The following TRIM66 variants were observed in gnomAD, a reference collection of about 807,000 sequenced individuals.
The protein encoded by TRIM66 is tripartite motif-containing protein 66.
TRIM66 carries 99 observed loss-of-function variants against 148.2 expected under a neutral mutation model. That is an observed-to-expected ratio of 0.67 (90% CI 0.57 to 0.79). The LOEUF (loss-of-function observed/expected upper bound fraction) is 0.79. Ranked by LOEUF, TRIM66 falls within the 30% of genes least tolerant of loss-of-function variation. TRIM66 has a pLI of 0.00. For missense variants in TRIM66, 1,666 were observed against 1,697.9 expected (o/e 0.98, Z 0.33); for synonymous variants, 616 against 635.9 (o/e 0.97, Z 0.47).
chr11:8,676,081 GCA>G (rs2039165159), intron 3 of TRIM66, among the ~76,000 whole-genome samples: 1 of 152,146 alleles, frequency 6.6e-6, no homozygotes, highest in Admixed American at 6.5e-5. Flanking sequence ...AATAGCACAA[GCA>G]CAGTTTCTCA....
chr11:8,683,093 TCCAGAAGTTAGGTCTTTGAC>T, upstream of TRIM66: 1 of 1,215,536 alleles, frequency 8.2e-7, no homozygotes, highest in Non-Finnish European at 1.2e-6. Flanking sequence ...TCCCAAACGC[TCCAGAAGTTAGGTCTTTGAC>T]CCACAGGCTT....
At chr11:8,672,722 G>A (rs987550615) in intron 4 of TRIM66, among the ~76,000 whole-genome samples, 1 of 151,060 alleles carries the variant, frequency 6.6e-6, no homozygotes, top group African/African-American at 2.4e-5. Flanking sequence ...CCTAGGCTCA[G>A]GTGATCCTCC....
intron 6 of TRIM66, among the ~76,000 whole-genome samples, chr11:8,666,363 A>C (rs1246595688): frequency 1.3e-5 from 2 of 150,764 alleles, no homozygotes; most frequent in Non-Finnish European, 3.0e-5. Context: ...AAAAAAAAAA[A>C]AAAAAAGAAT....
At chr11:8,651,996 T>A (rs924602223) in intron 6 of TRIM66, 93 bp from the exon 7 acceptor site, 1 of 945,472 alleles carries the variant, frequency 1.1e-6, no homozygotes, top group East Asian at 2.6e-5. Flanking sequence ...AACACCAAGA[T>A]ACATGGCAAT....
intron 6 of TRIM66, among the ~76,000 whole-genome samples, chr11:8,654,239 T>A (rs1024005135): frequency 1.7e-4 from 26 of 152,218 alleles, no homozygotes; most frequent in African/African-American, 6.0e-4. Context: ...ATTGACCTTA[T>A]CTCTCTCTAA....
intron 18 of TRIM66, among the ~76,000 whole-genome samples, chr11:8,622,365 C>CATATATATATATAT (rs1217954064): frequency 8.4e-5 from 5 of 59,560 alleles, no homozygotes; most frequent in Admixed American, 1.6e-4. Context: ...CACACACACA[C>CATATATATATATAT]ATATATATAT....
intron 13 of TRIM66, among the ~76,000 whole-genome samples, chr11:8,642,696 A>G (rs1442421805): frequency 6.6e-6 from 1 of 152,012 alleles, no homozygotes; most frequent in Non-Finnish European, 1.5e-5. Flanking sequence ...TCCGGAGAGC[A>G]GGGTGACTGT....
At chr11:8,633,193 A>T (rs2035572700) in intron 15 of TRIM66, among the ~76,000 whole-genome samples, 1 of 152,158 alleles carries the variant, frequency 6.6e-6, no homozygotes, top group South Asian at 2.1e-4. Context: ...ATGGTGGAAC[A>T]TGCCTGTAAT....
chr11:8,629,818 T>C (rs1010515272), intron 15 of TRIM66, among the ~76,000 whole-genome samples: 2 of 152,156 alleles, frequency 1.3e-5, no homozygotes, highest in Non-Finnish European at 2.9e-5. Flanking sequence ...AGGAGGCCAA[T>C]GCTATCAGGA....
chr11:8,624,412 A>C lies in TRIM66; in HGVS notation c.2966T>G (p.Leu989Arg). 1 of 1,551,596 alleles carries C rather than the reference A, an allele frequency of 6.4e-7. No homozygotes were observed. Among genetic ancestry groups the C allele is most frequent in the South Asian group, 1.2e-5 (1 of 84,040 alleles). The change falls in exon 17 of 25, where the codon CTG becomes CGG. Residue 989 changes from leucine to arginine, a missense_variant. This residue lies in a region of TRIM66 where 1,431 missense variants were observed against 1,412.4 expected (regional missense o/e 1.01). Coordinates refer to ENST00000646038, the MANE Select transcript of TRIM66 (RefSeq NM_001388022.1). ...PINLSVKKPP[L>R]APVVSTSTAL... Reference sequence around the variant, plus strand: ...TGTAGACGTGCTGACCACTGGCGCCAGTGGAGGTTTCTTCACAGAGAGGTT... The same window carrying C: ...TGTAGACGTGCTGACCACTGGCGCCCGTGGAGGTTTCTTCACAGAGAGGTT...
intron 1 of TRIM66, among the ~76,000 whole-genome samples, chr11:8,681,158 G>C (rs1056993894): frequency 6.6e-6 from 1 of 151,142 alleles, no homozygotes; most frequent in Non-Finnish European, 1.5e-5. Context: ...TTTTGAGACG[G>C]AGTCTCGTTC....
rs1156632595 is a variant in TRIM66, at chr11:8,612,849, G to C, written c.*5095C>G. 2 of 152,348 alleles carry C rather than the reference G, an allele frequency of 1.3e-5. No individual in the cohort carries two copies. Among genetic ancestry groups the C allele is most frequent in the African/African-American group, 4.8e-5 (2 of 41,444 alleles). 9.4% of individuals were successfully genotyped at this position (152,348 alleles called of 1,614,324 possible). The stretch of plus-strand genomic sequence containing the variant: ...CCAGGCTCCTTCCCAACTACAGCAG[G>C]CTCTAACTGGTGCAGGATCATGGTG... On this transcript the variant is annotated 3_prime_UTR_variant, in exon 25 of 25. Transcript: ENST00000646038.
At position 8,640,601 on chromosome 11, in the gene TRIM66, T is replaced by C; in HGVS notation, c.1774A>G (p.Ser592Gly). Residue 592 changes from serine (S) to glycine (G), a missense_variant, in exon 14 of 25, where the codon AGT becomes GGT. Coordinates refer to ENST00000646038, the MANE Select transcript of TRIM66 (RefSeq NM_001388022.1). ...QFGHHQKLKL[S>G]HFQQQPQQQL... The stretch of plus-strand genomic sequence containing the variant: ...TGCTGTGGCTGCTGCTGAAAGTGAC[T>C]GAGCTTCAGCTTCTGGTGGTGGCCA... 6 of 1,551,236 alleles carry C rather than the reference T, an allele frequency of 3.9e-6. No homozygotes were observed. Among genetic ancestry groups the C allele is most frequent in the Non-Finnish European group, 5.2e-6 (6 of 1,146,808 alleles).
At chr11:8,682,969 G>T, upstream of TRIM66, 1 of 1,095,266 alleles carries the variant, frequency 9.1e-7, no homozygotes, top group Non-Finnish European at 1.3e-6. Context: ...CGGGCCCGGG[G>T]CGGGGCTCCC....
chr11:8,657,513 A>C (rs1448705917), intron 6 of TRIM66, among the ~76,000 whole-genome samples: 1 of 152,136 alleles, frequency 6.6e-6, no homozygotes, highest in East Asian at 1.9e-4. Flanking sequence ...CTTGTATAAC[A>C]TAGGTGATAC....
intron 6 of TRIM66, among the ~76,000 whole-genome samples, chr11:8,671,123 C>T (rs370813996): frequency 2.0e-5 from 3 of 152,224 alleles, no homozygotes; most frequent in African/African-American, 7.2e-5. Flanking sequence ...TTGGGAAATA[C>T]TGCAGAGAAC....
chr11:8,640,106 T>TCAAGG, intron 14 of TRIM66, 121 bp downstream of exon 14: 1 of 1,019,812 alleles, frequency 9.8e-7, no homozygotes, highest in East Asian at 2.6e-5. Context: ...AGGGCTGAGC[T>TCAAGG]CAAGGCAGCC....
intron 8 of TRIM66, among the ~76,000 whole-genome samples, chr11:8,649,347 AT>A (rs2037149075): frequency 6.6e-6 from 1 of 152,156 alleles, no homozygotes; most frequent in Non-Finnish European, 1.5e-5. Context: ...TCAAAAAAAA[AT>A]AAAAATAAAA....
At chr11:8,660,570 A>G (rs1391425273) in intron 6 of TRIM66, among the ~76,000 whole-genome samples, 1 of 152,358 alleles carries the variant, frequency 6.6e-6, no homozygotes, top group East Asian at 1.9e-4. Context: ...GGTAGAGCTA[A>G]GTAGTTGTAA....
Sources: gnomAD v4.1 joint callset for allele counts (sites outside exome capture counted in the v4.1 genomes callset) on GRCh38, gnomAD v4.1.1 for gene constraint, gnomAD v4.1.1 regional missense constraint, MANE v1.5 for transcripts, NCBI Gene and HGNC (gene_info 2026-07-23, HGNC 2026-07-21) for gene names.